GALK2: variants seen among roughly 807,000 people sequenced by gnomAD.
GALK2 encodes N-acetylgalactosamine kinase.
Under a neutral mutation model 52.4 loss-of-function variants are expected in GALK2, and 36 were observed. The observed-to-expected ratio is 0.69, with a 90% CI of 0.53 to 0.91. The LOEUF is 0.91. Ranked by LOEUF, GALK2 falls within the 40% of genes least tolerant of loss-of-function variation. GALK2 has a pLI of 0.00. For synonymous variants in GALK2, 176 were observed against 199.1 expected, an observed-to-expected ratio of 0.88 and a Z score of 0.98; for missense variants, 579 against 559.1, an observed-to-expected ratio of 1.04 and a Z score of -0.36.
chr15:49,299,709 G>GCTTTCTTTCTTTTTCTTTCTTTCTTT (rs2034801612), intron 8 of GALK2, among the ~76,000 whole-genome samples: 3 of 85,194 alleles, frequency 3.5e-5, no homozygotes, highest in Non-Finnish European at 7.1e-5. Context: ...TCTTGGTATT[G>GCTTTCTTTCTTTTTCTTTCTTTCTTT]CTTTCTTTCT....
At chr15:49,207,896 C>T (rs1013335112) in intron 2 of GALK2, among the ~76,000 whole-genome samples, 1 of 152,124 alleles carries the variant, frequency 6.6e-6, no homozygotes, top group Non-Finnish European at 1.5e-5. Flanking sequence ...CTGCCTCAGC[C>T]TGAGTAGCTA....
chr15:49,193,306 C>A (rs1000402334), intron 1 of GALK2, among the ~76,000 whole-genome samples: 5 of 151,652 alleles, frequency 3.3e-5, no homozygotes, highest in Non-Finnish European at 5.9e-5. Context: ...CCTGTTTATA[C>A]CTTTTACACA....
intron 2 of GALK2, among the ~76,000 whole-genome samples, chr15:49,210,986 C>CAA (rs1206879407): frequency 6.6e-6 from 1 of 151,446 alleles, no homozygotes; most frequent in Non-Finnish European, 1.5e-5. Context: ...CACACACACA[C>CAA]ACACACACAC....
At chr15:49,161,241 T>G (rs931132731) in intron 1 of GALK2, among the ~76,000 whole-genome samples, 1 of 152,234 alleles carries the variant, frequency 6.6e-6, no homozygotes, top group African/African-American at 2.4e-5. Flanking sequence ...TTGAGTATAA[T>G]TTCCTTGGCC....
intron 3 of GALK2, among the ~76,000 whole-genome samples, chr15:49,344,602 A>G (rs1217212265): frequency 1.3e-5 from 2 of 152,222 alleles, no homozygotes; most frequent in Admixed American, 1.3e-4. Context: ...AAGGAAAGAT[A>G]GCCCTGGTCT....
intron 2 of GALK2, among the ~76,000 whole-genome samples, chr15:49,206,552 G>A (rs1047650338): frequency 2.6e-5 from 4 of 151,520 alleles, no homozygotes; most frequent in African/African-American, 9.7e-5. Flanking sequence ...TCCTTTGTTA[G>A]GTATATTCCT....
chr15:49,318,572 A>T (rs907123919), intron 8 of GALK2, among the ~76,000 whole-genome samples: 2 of 152,200 alleles, frequency 1.3e-5, no homozygotes, highest in African/African-American at 4.8e-5. Flanking sequence ...ATAATTTTTA[A>T]AAGTCCTCTG....
intron 8 of GALK2, among the ~76,000 whole-genome samples, chr15:49,309,767 T>C (rs2035837859): frequency 6.6e-6 from 1 of 151,992 alleles, no homozygotes; most frequent in African/African-American, 2.4e-5. Context: ...ATTACAGGCA[T>C]GCCCCACGAC....
chr15:49,243,566 A>T (rs1026102711), intron 5 of GALK2, among the ~76,000 whole-genome samples: 1 of 152,120 alleles, frequency 6.6e-6, no homozygotes, highest in Non-Finnish European at 1.5e-5. Context: ...ACTCTTAAAT[A>T]TGATAGGGCA....
chr15:49,157,353 A>G (rs2084493950), intron 1 of GALK2, among the ~76,000 whole-genome samples: 1 of 152,226 alleles, frequency 6.6e-6, no homozygotes, highest in Admixed American at 6.5e-5. Context: ...GGCACATAGG[A>G]GAAAATAAAG....
At chr15:49,358,930 G>A (rs1291978882) in intron 3 of GALK2, among the ~76,000 whole-genome samples, 43 of 145,842 alleles carry the variant, frequency 2.9e-4, no homozygotes, top group Admixed American at 2.5e-3. Context: ...CAGAAATAAC[G>A]CCGCATATCT....
intron 5 of GALK2, among the ~76,000 whole-genome samples, chr15:49,262,889 T>G (rs891527634): frequency 6.3e-5 from 9 of 143,600 alleles, no homozygotes; most frequent in Non-Finnish European, 1.1e-4. Context: ...TTGAGTGAGA[T>G]TCTTAATCCT....
chr15:49,348,990 T>C (rs2041899132), intron 3 of GALK2, among the ~76,000 whole-genome samples: 1 of 152,204 alleles, frequency 6.6e-6, no homozygotes, highest in South Asian at 2.1e-4. Context: ...GTTTATAATC[T>C]AAAGCCCAAA....
intron 3 of GALK2, among the ~76,000 whole-genome samples, chr15:49,348,641 C>T (rs1381621195): frequency 6.6e-6 from 1 of 152,146 alleles, no homozygotes; most frequent in Non-Finnish European, 1.5e-5. Flanking sequence ...TTTACTTTCT[C>T]CTTTGTCTGC....
At chr15:49,233,363 C>T (rs2090613433) in intron 3 of GALK2, among the ~76,000 whole-genome samples, 1 of 152,178 alleles carries the variant, frequency 6.6e-6, no homozygotes, top group South Asian at 2.1e-4. Context: ...CCAGTCACCT[C>T]CCACCAGGTC....
At chr15:49,333,992 T>C (rs1034867171), downstream of GALK2, among the ~76,000 whole-genome samples, 48 of 152,328 alleles carry the variant, frequency 3.2e-4, no homozygotes, top group Admixed American at 2.7e-3. Context: ...TATAGGTTTA[T>C]TTTGAAAAGG....
chr15:49,223,854 G>A (rs1190318500), intron 3 of GALK2, among the ~76,000 whole-genome samples: 2 of 151,878 alleles, frequency 1.3e-5, no homozygotes, highest in African/African-American at 4.8e-5. Flanking sequence ...GAACATATGA[G>A]TGCATGTGTC....
At chr15:49,189,174 T>C (rs533643974) in intron 1 of GALK2, among the ~76,000 whole-genome samples, 1 of 152,324 alleles carries the variant, frequency 6.6e-6, no homozygotes, top group East Asian at 1.9e-4. Flanking sequence ...TGGGGCCTAG[T>C]GGAGGAACTC....
At chr15:49,339,387 C>G (rs947603464) in intron 3 of GALK2, among the ~76,000 whole-genome samples, 2 of 152,132 alleles carry the variant, frequency 1.3e-5, no homozygotes, top group African/African-American at 4.8e-5. Context: ...AACAGTCAGG[C>G]CCCTCTGCTG....
Sources: gnomAD v4.1 joint callset for allele counts (sites outside exome capture counted in the v4.1 genomes callset) on GRCh38, gnomAD v4.1.1 for gene constraint, MANE v1.5 for transcripts, NCBI Gene and HGNC (gene_info 2026-07-23, HGNC 2026-07-21) for gene names.